Variants in MCF2L2 observed in about 807,000 individuals in gnomAD.
MCF2L2 encodes probable guanine nucleotide exchange factor MCF2L2.
A neutral mutation model predicts 150.2 loss-of-function variants in MCF2L2; 102 were observed. The ratio of observed to expected loss-of-function variants is 0.68; its 90% CI spans 0.58 to 0.80. The LOEUF is 0.80. Among genes scored for constraint, MCF2L2 ranks in the 30% least tolerant of loss-of-function variants. MCF2L2 has a pLI of 0.00. For missense variants in MCF2L2, 1,256 were observed against 1,372.8 expected (o/e 0.91, Z 1.34); for synonymous variants, 465 against 491.3 (o/e 0.95, Z 0.71).
At chr3:183,200,239 C>T (rs1180815312) in intron 25 of MCF2L2, among the ~76,000 whole-genome samples, 3 of 150,278 alleles carry the variant, frequency 2.0e-5, no homozygotes, top group Admixed American at 6.6e-5. Context: ...TACAGTCCCA[C>T]CAACAGTGTA....
At chr3:183,280,845 CAAA>C (rs201596744) in intron 14 of MCF2L2, among the ~76,000 whole-genome samples, 1 of 69,428 alleles carries the variant, frequency 1.4e-5, no homozygotes. Context: ...GAGTCTCTGT[CAAA>C]AAAAAAAAAA....
chr3:183,334,023 G>T (rs1730372424), intron 5 of MCF2L2, among the ~76,000 whole-genome samples: 1 of 151,570 alleles, frequency 6.6e-6, no homozygotes, highest in Admixed American at 6.6e-5. Flanking sequence ...CAGCTTGAAG[G>T]GGTTCCCGCT....
chr3:183,348,882 G>C (rs1731005052), intron 3 of MCF2L2, among the ~76,000 whole-genome samples: 1 of 152,102 alleles, frequency 6.6e-6, no homozygotes, highest in Non-Finnish European at 1.5e-5. Flanking sequence ...AAAATGGGTA[G>C]AACTAAAAGA....
At chr3:183,277,804 G>C (rs1269650292) in intron 14 of MCF2L2, among the ~76,000 whole-genome samples, 1 of 150,358 alleles carries the variant, frequency 6.7e-6, no homozygotes, top group Admixed American at 6.7e-5. Flanking sequence ...TTTTAAAATA[G>C]GATGTCAGTC....
chr3:183,305,492 T>C lies in MCF2L2; in HGVS notation c.1113+4224A>G, dbSNP rs967178912. On this transcript the variant is annotated intron_variant, in intron 10 of 29. Transcript: ENST00000328913. This position sits in a 1 kb window ranked among gnomAD's most constrained non-coding sequence, Gnocchi z 4.1. ...CCCTTCAGAATTTTCCAGAAGACATTTGAGATGTTAGAGGGAAGATGTGTG... is the reference window on the plus strand; with the variant it reads ...CCCTTCAGAATTTTCCAGAAGACATCTGAGATGTTAGAGGGAAGATGTGTG... Among the ~76,000 whole-genome samples, 7 of 152,078 alleles carry C rather than the reference T, an allele frequency of 4.6e-5. No individual in the cohort carries two copies. The highest frequency in any genetic ancestry group is 4.6e-4 in the Admixed American group (7 of 15,266).
At chr3:183,335,932 T>C (rs1285630677) in intron 5 of MCF2L2, among the ~76,000 whole-genome samples, 1 of 152,158 alleles carries the variant, frequency 6.6e-6, no homozygotes, top group African/African-American at 2.4e-5. Flanking sequence ...TCCATTCTCC[T>C]TCCATGTGAG....
At chr3:183,252,676 C>T (rs1019121733) in intron 15 of MCF2L2, among the ~76,000 whole-genome samples, 1 of 152,136 alleles carries the variant, frequency 6.6e-6, no homozygotes, top group Non-Finnish European at 1.5e-5. Flanking sequence ...AACCCTGATT[C>T]GACAATCATA....
chr3:183,323,133 C>A (rs1229307115), intron 6 of MCF2L2, 102 bp downstream of exon 6: 3 of 735,556 alleles, frequency 4.1e-6, no homozygotes, highest in Non-Finnish European at 6.8e-6. Flanking sequence ...CAAGGTCAGG[C>A]AGTCACAGGG....
chr3:183,389,694 A>C lies in MCF2L2; in HGVS notation c.160+2T>G. 1.9e-6 allele frequency: 3 copies of C among 1,613,764 alleles called. No homozygotes were observed. Among genetic ancestry groups the C allele is most frequent in the Non-Finnish European group, 2.5e-6 (3 of 1,179,648 alleles). Reference sequence around the variant, plus strand: ...GGAAATGCAAATGAATGTGCCCCTTACCTGAAAGAATGGCAAATTGTCTGT... The same window carrying C: ...GGAAATGCAAATGAATGTGCCCCTTCCCTGAAAGAATGGCAAATTGTCTGT... On this transcript the variant is annotated splice_donor_variant, in intron 2 of 29. Coordinates refer to ENST00000328913, the MANE Select transcript of MCF2L2 (RefSeq NM_015078.4). LOFTEE classifies it high-confidence loss of function.
At chr3:183,409,243 T>A (rs894210195) in intron 1 of MCF2L2, among the ~76,000 whole-genome samples, 2 of 152,194 alleles carry the variant, frequency 1.3e-5, no homozygotes, top group Non-Finnish European at 2.9e-5. Flanking sequence ...TCTATTTGAT[T>A]TTTTCAAAAG....
chr3:183,415,931 A>C (rs1339234314), intron 1 of MCF2L2, among the ~76,000 whole-genome samples: 2 of 152,004 alleles, frequency 1.3e-5, no homozygotes, highest in African/African-American at 4.8e-5. Flanking sequence ...TGTTTTCTCT[A>C]TATCTCATAT....
chr3:183,330,016 T>C (rs1051695731), intron 5 of MCF2L2, among the ~76,000 whole-genome samples: 1 of 151,784 alleles, frequency 6.6e-6, no homozygotes, highest in African/African-American at 2.4e-5. Context: ...AGGAGGATCG[T>C]TTGAGCCCAG....
chr3:183,310,090 G>A (rs1415314385), intron 9 of MCF2L2, among the ~76,000 whole-genome samples: 2 of 152,152 alleles, frequency 1.3e-5, no homozygotes, highest in African/African-American at 4.8e-5. Flanking sequence ...GCTGGGTCCA[G>A]TGGCTCATGC....
intron 3 of MCF2L2, among the ~76,000 whole-genome samples, chr3:183,358,222 G>A (rs1432305896): frequency 1.3e-5 from 2 of 151,998 alleles, no homozygotes; most frequent in African/African-American, 4.8e-5. Context: ...ACCTGGGAGG[G>A]GCAGAGGTTG....
chr3:183,340,193 A>G (rs1212908745), intron 4 of MCF2L2, among the ~76,000 whole-genome samples: 1 of 152,200 alleles, frequency 6.6e-6, no homozygotes, highest in South Asian at 2.1e-4. Context: ...GCCAAGACGG[A>G]AAGTATTAGC....
intron 3 of MCF2L2, among the ~76,000 whole-genome samples, chr3:183,344,481 T>C (rs548854889): frequency 6.6e-6 from 1 of 152,238 alleles, no homozygotes; most frequent in South Asian, 2.1e-4. Context: ...CATACCAAAA[T>C]GTAAAGACCA....
At chr3:183,401,648 CT>C (rs1714763340) in intron 1 of MCF2L2, among the ~76,000 whole-genome samples, 2 of 152,180 alleles carry the variant, frequency 1.3e-5, no homozygotes, top group Admixed American at 1.3e-4. Flanking sequence ...TCGATAGAGA[CT>C]AGTATTGCCT....
rs1430362547 is a variant in MCF2L2 at position 183,305,017 on chromosome 3, G to T, written c.1113+4699C>A. On this transcript the variant is annotated intron_variant, in intron 10 of 29. Transcript: ENST00000328913. This position sits in a 1 kb window ranked among gnomAD's most constrained non-coding sequence, Gnocchi z 4.1. ...TCTACTGAGAGCTTAACAGATGCCA[G>T]GCACTGTTCTGAATGCTTTACATTT... 1.3e-5 allele frequency among the ~76,000 whole-genome samples: 2 copies of T among 152,158 alleles called. No homozygotes were observed. Among genetic ancestry groups the T allele is most frequent in the African/African-American group, 4.8e-5 (2 of 41,428 alleles).
Position 183,179,539 on chromosome 3 carries a change from C to A in MCF2L2, c.3222-36G>T. 6.2e-7 allele frequency: 1 copy of A among 1,612,026 alleles called. No homozygotes were observed. Among genetic ancestry groups the A allele is most frequent in the Non-Finnish European group, 8.5e-7 (1 of 1,178,720 alleles). On this transcript the variant is annotated intron_variant, in intron 29 of 29. Transcript: ENST00000328913. This position sits in a 1 kb window ranked among gnomAD's most constrained non-coding sequence, Gnocchi z 4.2. ...GAGAAGAAAGTCAGAGACGCCGTGG[C>A]CCAAAGAGGCGCTTAGTCTTTCCTC...
Sources: allele counts gnomAD v4.1 joint callset (sites outside exome capture counted in the v4.1 genomes callset), GRCh38; gene constraint gnomAD v4.1.1; non-coding constraint Gnocchi (gnomAD v3.1); transcripts MANE v1.5; gene names NCBI Gene and HGNC (gene_info 2026-07-23, HGNC 2026-07-21).